Variants in RBM47 observed in about 807,000 individuals in gnomAD.
RBM47 encodes the protein RNA binding motif protein 47.
RBM47 carries 21 observed loss-of-function variants against 47.1 expected under a neutral mutation model. That is an observed-to-expected ratio of 0.45 (90% CI 0.32 to 0.64). The LOEUF is 0.64. Among genes scored for constraint, RBM47 ranks in the 30% least tolerant of loss-of-function variants. The pLI is 0.05. For synonymous variants in RBM47, 375 were observed against 361.7 expected (o/e 1.04, Z -0.42); for missense variants, 708 against 870.9 (o/e 0.81, Z 2.35).
At chr4:40,552,064 T>C (rs1729615107) in intron 1 of RBM47, among the ~76,000 whole-genome samples, 1 of 152,056 alleles carries the variant, frequency 6.6e-6, no homozygotes, top group Non-Finnish European at 1.5e-5. Context: ...CAAGACCTTG[T>C]TTAAAAGAAA....
chr4:40,550,251 T>C (rs1425330094), intron 1 of RBM47, among the ~76,000 whole-genome samples: 6 of 152,182 alleles, frequency 3.9e-5, no homozygotes, highest in Non-Finnish European at 7.3e-5. Flanking sequence ...TAAAATGTTC[T>C]CAACGATTAA....
rs747336205 is a variant in RBM47 at position 40,437,978 on chromosome 4, G to A, written c.916C>T (p.Leu306=). The A allele has an allele frequency of 5.0e-6, 8 of 1,613,426 alleles. No individual in the cohort carries two copies. Among genetic ancestry groups the A allele is most frequent in the Non-Finnish European group, 1.7e-6 (2 of 1,179,998 alleles). Residue 306 remains leucine (L), a synonymous_variant, in exon 4 of 7, where the codon CTG becomes TTG. Transcript: ENST00000295971. The stretch of plus-strand genomic sequence containing the variant: ...GTGACCTCCAGGCACGAGCCCTCCA[G>A]CTCAGTGCCGTTGAGGTTGTTCATG... The part of the protein sequence containing the change: ...HAMNNLNGTE[L]EGSCLEVTLA...
intron 3 of RBM47, among the ~76,000 whole-genome samples, chr4:40,441,898 T>C (rs994281945): frequency 6.6e-6 from 1 of 152,250 alleles, no homozygotes; most frequent in Non-Finnish European, 1.5e-5. Context: ...GAAAAGCCTT[T>C]CTTCACCTAT....
chr4:40,516,993 T>G (rs582370), intron 2 of RBM47, among the ~76,000 whole-genome samples: 75,957 of 151,518 alleles, frequency 0.5, 20,847 homozygotes, highest in African/African-American at 0.74. Flanking sequence ...ATGCTAGGGA[T>G]TAATTACTCC....
chr4:40,614,291 C>A (rs1206919023), intron 1 of RBM47, among the ~76,000 whole-genome samples: 1 of 152,080 alleles, frequency 6.6e-6, no homozygotes, highest in East Asian at 1.9e-4. Context: ...CTTTTAGTGA[C>A]TTGAACCATG....
intron 2 of RBM47, among the ~76,000 whole-genome samples, chr4:40,474,805 T>C (rs1719377629): frequency 6.6e-6 from 1 of 152,240 alleles, no homozygotes. Context: ...AAATATCAGA[T>C]GTAGGCTAAT....
chr4:40,437,475 A>T (rs776839897), intron 4 of RBM47, among the ~76,000 whole-genome samples: 2 of 152,182 alleles, frequency 1.3e-5, no homozygotes, highest in Non-Finnish European at 2.9e-5. Flanking sequence ...AAGCACCAAG[A>T]GAATGGTGGA....
intron 1 of RBM47, among the ~76,000 whole-genome samples, chr4:40,588,793 GT>G (rs1329761552): frequency 2.0e-5 from 3 of 152,006 alleles, no homozygotes; most frequent in Non-Finnish European, 4.4e-5. Flanking sequence ...TGCATCATTA[GT>G]TAATAAGCAG....
intron 1 of RBM47, among the ~76,000 whole-genome samples, chr4:40,598,848 CAAAAAAA>C (rs34007215): frequency 1.5e-5 from 2 of 137,584 alleles, no homozygotes; most frequent in Non-Finnish European, 1.6e-5. Context: ...CTTGTAAAAC[CAAAAAAA>C]AAAAAAAAAA....
chr4:40,474,840 T>C (rs952201157), intron 2 of RBM47, among the ~76,000 whole-genome samples: 3 of 152,206 alleles, frequency 2.0e-5, no homozygotes, highest in African/African-American at 7.2e-5. Flanking sequence ...TATGCATTTC[T>C]CACATATACA....
intron 6 of RBM47, among the ~76,000 whole-genome samples, chr4:40,429,156 G>C (rs577996105): frequency 1.3e-5 from 2 of 151,970 alleles, no homozygotes; most frequent in African/African-American, 4.8e-5. Flanking sequence ...TAGCCATCTG[G>C]GTTATCAGAT....
rs750922605 is a variant in RBM47 at position 40,437,073 on chromosome 4, C to CAAAAA, written c.1124-431_1124-427dup. Reference sequence around the variant, plus strand: ...TGGGGAGCATGGTGAGACCCTGTCTCAAAAAAAAAAAAAAAAAATATATAT... The same window carrying CAAAAA: ...TGGGGAGCATGGTGAGACCCTGTCTCAAAAAAAAAAAAAAAAAAAAAAATATATAT... On this transcript the variant is annotated intron_variant, in intron 4 of 6. Coordinates refer to ENST00000295971, the MANE Select transcript of RBM47 (RefSeq NM_001098634.2). Among the ~76,000 whole-genome samples, 9 of 21,288 alleles carry CAAAAA rather than the reference C, an allele frequency of 4.2e-4. 3 individuals carry two copies. Among genetic ancestry groups the CAAAAA allele is most frequent in the African/African-American group, 1.6e-3 (7 of 4,462 alleles). The allele number at this position is 21,288 out of a possible 152,430, so 14.0% of individuals were successfully genotyped here.
intron 2 of RBM47, among the ~76,000 whole-genome samples, chr4:40,521,162 T>G (rs1334404129): frequency 1.3e-5 from 2 of 152,116 alleles, no homozygotes; most frequent in Admixed American, 1.3e-4. Context: ...ATTTTATTTT[T>G]TATTTCTTTT....
At chr4:40,518,153 CTTTTCTTT>C (rs1560439947) in intron 2 of RBM47, among the ~76,000 whole-genome samples, 5 of 99,546 alleles carry the variant, frequency 5.0e-5, no homozygotes, top group Non-Finnish European at 8.3e-5. Flanking sequence ...TGTTTCTTTT[CTTTTCTTT>C]TTTTTTTTTT....
At chr4:40,611,963 C>A (rs62301879) in intron 1 of RBM47, among the ~76,000 whole-genome samples, 1 of 151,954 alleles carries the variant, frequency 6.6e-6, no homozygotes, top group Non-Finnish European at 1.5e-5. Context: ...TGGCCTTCCA[C>A]GCAAGACTCA....
At chr4:40,469,917 G>C (rs1718596936) in intron 2 of RBM47, among the ~76,000 whole-genome samples, 1 of 152,160 alleles carries the variant, frequency 6.6e-6, no homozygotes, top group Non-Finnish European at 1.5e-5. Flanking sequence ...TTACAGGCGT[G>C]AGCCACCATG....
At chr4:40,471,889 T>C (rs1409283953) in intron 2 of RBM47, among the ~76,000 whole-genome samples, 1 of 152,116 alleles carries the variant, frequency 6.6e-6, no homozygotes, top group African/African-American at 2.4e-5. Context: ...CCCTCACCAA[T>C]TCCCATCTAG....
intron 6 of RBM47, among the ~76,000 whole-genome samples, chr4:40,429,878 G>A (rs748493525): frequency 3.3e-5 from 5 of 151,868 alleles, no homozygotes; most frequent in Non-Finnish European, 7.4e-5. Context: ...GGTAGGGGAG[G>A]ATAAGCAAAG....
At chr4:40,587,635 TAC>T (rs1390740156) in intron 1 of RBM47, among the ~76,000 whole-genome samples, 1 of 152,208 alleles carries the variant, frequency 6.6e-6, no homozygotes, top group Non-Finnish European at 1.5e-5. Flanking sequence ...TCAGAACCTT[TAC>T]TTAAAAGGGA....
Sources: allele counts gnomAD v4.1 joint callset (sites outside exome capture counted in the v4.1 genomes callset), GRCh38; gene constraint gnomAD v4.1.1; transcripts MANE v1.5; gene names NCBI Gene and HGNC (gene_info 2026-07-23, HGNC 2026-07-21).